Variants in PALLD observed in about 807,000 individuals in gnomAD.
PALLD encodes palladin, cytoskeletal associated protein.
PALLD carries 61 observed loss-of-function variants against 123.5 expected under a neutral mutation model. That is an observed-to-expected ratio of 0.49 (90% confidence interval 0.40 to 0.61). PALLD has a LOEUF of 0.61. Ranked by LOEUF, PALLD falls within the 20% of genes least tolerant of loss-of-function variation. The probability of loss-of-function intolerance (pLI) is 0.00; values close to 1 mark genes in which losing one functional copy is unlikely to be tolerated. For missense variants in PALLD, 1,273 were observed against 1,377.0 expected (o/e 0.92, Z 1.20); for synonymous variants, 465 against 496.4 (o/e 0.94, Z 0.84).
At chr4:168,576,244 T>C (rs886232280) in intron 2 of PALLD, among the ~76,000 whole-genome samples, 1 of 152,066 alleles carries the variant, frequency 6.6e-6, no homozygotes, top group Non-Finnish European at 1.5e-5. Flanking sequence ...TTTTTCTTTT[T>C]TTATTATTAT....
Position 168,519,946 on chromosome 4 carries a change from A to G in PALLD, c.908+7534A>G, listed in dbSNP as rs569083289. Among the ~76,000 whole-genome samples the G allele has an allele frequency of 2.6e-5, 4 of 152,200 alleles. No individual in the cohort carries two copies. In the South Asian group the frequency reaches 8.3e-4, roughly 32 times the overall value. The stretch of plus-strand genomic sequence containing the variant: ...TATTTGCACTGAATTGAACAAACAA[A>G]AGCCTTTATATTTTGCGGAGGACAA... On this transcript the variant is annotated intron_variant, in intron 2 of 21. Coordinates refer to ENST00000505667, the MANE Select transcript of PALLD (RefSeq NM_001166108.2).
chr4:168,547,480 G>A (rs1006166950), intron 2 of PALLD, among the ~76,000 whole-genome samples: 2 of 151,458 alleles, frequency 1.3e-5, no homozygotes, highest in South Asian at 4.2e-4. Context: ...TAGCACTTTG[G>A]GAGGCCAAGG....
At chr4:168,627,714 C>A (rs1775436144) in intron 2 of PALLD, among the ~76,000 whole-genome samples, 1 of 152,166 alleles carries the variant, frequency 6.6e-6, no homozygotes, top group Non-Finnish European at 1.5e-5. Context: ...AGAAAACAAT[C>A]TGAAACTCCT....
At chr4:168,767,688 C>T (rs941550462) in intron 10 of PALLD, among the ~76,000 whole-genome samples, 1 of 152,074 alleles carries the variant, frequency 6.6e-6, no homozygotes, top group Non-Finnish European at 1.5e-5. Context: ...GCTGGGATTA[C>T]GGGGATGTAC....
intron 10 of PALLD, among the ~76,000 whole-genome samples, chr4:168,785,846 GATAT>G (rs6148775): frequency 0.024 from 1,928 of 80,902 alleles, 105 homozygotes; most frequent in African/African-American, 0.066. Flanking sequence ...AAACTGTAGA[GATAT>G]ATATATATAT....
intron 2 of PALLD, among the ~76,000 whole-genome samples, chr4:168,647,508 G>A (rs1040466137): frequency 1.1e-4 from 17 of 152,212 alleles, no homozygotes; most frequent in South Asian, 2.1e-4. Context: ...GTGGCCGGGC[G>A]TGTAGCTCAT....
chr4:168,918,723 A>G (rs921056965), intron 17 of PALLD, among the ~76,000 whole-genome samples: 4 of 152,190 alleles, frequency 2.6e-5, no homozygotes, highest in Non-Finnish European at 5.9e-5. Flanking sequence ...TATGTTAATC[A>G]GCTCAGTTTA....
At chr4:168,613,904 G>A (rs140844594) in intron 2 of PALLD, among the ~76,000 whole-genome samples, 28 of 152,280 alleles carry the variant, frequency 1.8e-4, no homozygotes, top group Non-Finnish European at 3.5e-4. Context: ...TGCCAACATC[G>A]TGAAAAGAAA....
At chr4:168,826,491 T>G (rs1386156550) in intron 10 of PALLD, among the ~76,000 whole-genome samples, 1 of 152,198 alleles carries the variant, frequency 6.6e-6, no homozygotes, top group Non-Finnish European at 1.5e-5. Context: ...CTCTCTGTGC[T>G]CACTGTCCCT....
chr4:168,716,328 A>G (rs1166675970), intron 10 of PALLD, among the ~76,000 whole-genome samples: 4 of 152,210 alleles, frequency 2.6e-5, no homozygotes, highest in Non-Finnish European at 5.9e-5. Context: ...CTCTAGTGCC[A>G]AAAATATGTG....
intron 10 of PALLD, among the ~76,000 whole-genome samples, chr4:168,865,135 G>A (rs75610857): frequency 0.035 from 5,369 of 152,348 alleles, 129 homozygotes; most frequent in Middle Eastern, 0.061. Context: ...CCCCCTGAGG[G>A]GAAATGGCTA....
Position 168,925,229 on chromosome 4 carries a change from G to A in PALLD, c.3359-4G>A, listed in dbSNP as rs112116419. Reference sequence around the variant, plus strand: ...TATTGCTCTCTCTCTCTTTCTATTTGTAGTTTCTCGACATTAATAGTGAAC... The same window carrying A: ...TATTGCTCTCTCTCTCTTTCTATTTATAGTTTCTCGACATTAATAGTGAAC... On this transcript the variant is annotated splice_region_variant and splice_polypyrimidine_tract_variant and intron_variant, in intron 20 of 21. Transcript: ENST00000505667. The A allele has an allele frequency of 6.3e-3, 10,145 of 1,605,352 alleles. 138 individuals are homozygous for A. Among genetic ancestry groups the A allele is most frequent in the African/African-American group, 0.045 (3,349 of 74,744 alleles).
At chr4:168,579,526 A>T (rs2149644472) in intron 2 of PALLD, among the ~76,000 whole-genome samples, 1 of 152,266 alleles carries the variant, frequency 6.6e-6, no homozygotes, top group East Asian at 1.9e-4. Flanking sequence ...TAGGTAAACA[A>T]GCATATAATA....
At chr4:168,923,286 T>A (rs979618009) in intron 18 of PALLD, among the ~76,000 whole-genome samples, 1 of 152,228 alleles carries the variant, frequency 6.6e-6, no homozygotes, top group African/African-American at 2.4e-5. Flanking sequence ...ACTCGTGGTG[T>A]TGGAGAGTAT....
At chr4:168,896,500 C>A (rs1473985594) in intron 12 of PALLD, 49 bp from the exon 13 acceptor site, 2 of 1,066,210 alleles carry the variant, frequency 1.9e-6, no homozygotes, top group Admixed American at 2.0e-5. Context: ...TTGCTGCATT[C>A]TTATTATTTC....
intron 10 of PALLD, among the ~76,000 whole-genome samples, chr4:168,799,306 TCCTTCTCAGG>T (rs1369027614): frequency 2.0e-5 from 3 of 152,148 alleles, no homozygotes; most frequent in African/African-American, 7.2e-5. Context: ...AAGTATAGAG[TCCTTCTCAGG>T]CCATATTTAG....
chr4:168,563,942 T>C (rs1465410778), intron 2 of PALLD, among the ~76,000 whole-genome samples: 1 of 152,202 alleles, frequency 6.6e-6, no homozygotes, highest in Admixed American at 6.5e-5. Flanking sequence ...AAGTCAGAGC[T>C]TTTAGGGTAT....
chr4:168,625,502 G>GAT lies in PALLD; in HGVS notation c.909-42673_909-42672dup, dbSNP rs756984622. 5.0e-3 allele frequency among the ~76,000 whole-genome samples: 571 copies of GAT among 114,454 alleles called. 46 individuals carry two copies. Among genetic ancestry groups the GAT allele is most frequent in the African/African-American group, 0.014 (435 of 30,024 alleles). The allele number at this position is 114,454 out of a possible 152,430, so 75.1% of individuals were successfully genotyped here. A position where few individuals can be genotyped will look rare whatever the true frequency, so the allele number is the denominator to read the frequency against. The stretch of plus-strand genomic sequence containing the variant: ...TCCAATAAGGGATTAATATCCAGGA[G>GAT]ATATATATATATATATCCTATAAGG... On this transcript the variant is annotated intron_variant, in intron 2 of 21. Coordinates refer to ENST00000505667, the MANE Select transcript of PALLD (RefSeq NM_001166108.2).
chr4:168,864,771 A>T (rs1223278105), intron 10 of PALLD, among the ~76,000 whole-genome samples: 1 of 152,250 alleles, frequency 6.6e-6, no homozygotes, highest in East Asian at 1.9e-4. Context: ...AGCTGTACAC[A>T]CTATACTATA....
Sources: allele counts gnomAD v4.1 joint callset (sites outside exome capture counted in the v4.1 genomes callset), GRCh38; gene constraint gnomAD v4.1.1; transcripts MANE v1.5; gene names NCBI Gene and HGNC (gene_info 2026-07-23, HGNC 2026-07-21).